The following LPCAT1 variants were observed in gnomAD, a reference collection of about 807,000 sequenced individuals.
The protein encoded by LPCAT1 is 1-acylglycerol-3-phosphate O-acyltransferase.
In LPCAT1, 23 loss-of-function variants were observed where a neutral mutation model predicts 60.9. The ratio of observed to expected loss-of-function variants is 0.38; its 90% confidence interval spans 0.27 to 0.53. The LOEUF is 0.53. Ranked by LOEUF, LPCAT1 falls within the 20% of genes least tolerant of loss-of-function variation. The probability of loss-of-function intolerance (pLI) is 0.82; values close to 1 mark genes in which losing one functional copy is unlikely to be tolerated. For missense variants in LPCAT1, 622 were observed against 723.6 expected, an observed-to-expected ratio of 0.86 and a Z score of 1.61; for synonymous variants, 340 against 301.1, an observed-to-expected ratio of 1.13 and a Z score of -1.34.
At chr5:1,503,193 TGCTCCTCACCCCA>T (rs1046246659) in intron 1 of LPCAT1, among the ~76,000 whole-genome samples, 8 of 152,310 alleles carry the variant, frequency 5.3e-5, no homozygotes, top group African/African-American at 1.9e-4. Flanking sequence ...TTCTGGGGGC[TGCTCCTCACCCCA>T]GCTGGGTCCC....
In LPCAT1 at chr5:1,503,744, T is replaced by G. The variant is rs559092585; in HGVS notation, c.136-2141A>C. Among the ~76,000 whole-genome samples the G allele has an allele frequency of 9.8e-4, 149 of 152,300 alleles. 1 individual carries two copies. The South Asian group carries it at 0.022, about 22-fold the overall frequency. ...ACTGTTTATAGAGTCCCTTTTTTTT[T>G]GGGTTGACTTCACTGTTTTTGTCAA... On this transcript the variant is annotated intron_variant, in intron 1 of 13. Coordinates refer to ENST00000283415, the MANE Select transcript of LPCAT1 (RefSeq NM_024830.5).
intron 3 of LPCAT1, among the ~76,000 whole-genome samples, chr5:1,490,366 G>C (rs926118428): frequency 6.6e-6 from 1 of 152,160 alleles, no homozygotes; most frequent in Non-Finnish European, 1.5e-5. Context: ...GTCCCTATGG[G>C]AAGAGGAGAC....
chr5:1,500,587 C>A (rs751562602), intron 2 of LPCAT1, among the ~76,000 whole-genome samples: 2 of 152,214 alleles, frequency 1.3e-5, no homozygotes, highest in East Asian at 3.9e-4. Flanking sequence ...TCTCGGAGGG[C>A]GGGGAAGGAC....
intron 1 of LPCAT1, among the ~76,000 whole-genome samples, chr5:1,514,964 C>CA (rs769920818): frequency 6.6e-6 from 1 of 152,196 alleles, no homozygotes; most frequent in Non-Finnish European, 1.5e-5. Flanking sequence ...ATTCAGGATC[C>CA]GTGGCATTTC....
rs530312997 is a variant in LPCAT1, at chr5:1,483,728, T to G, written c.668-242A>C. Among the ~76,000 whole-genome samples the G allele has an allele frequency of 2.4e-3, 364 of 151,428 alleles. No individual in the cohort carries two copies. The highest frequency in any genetic ancestry group is 6.9e-3 in the Middle Eastern group (2 of 290). On this transcript the variant is annotated intron_variant, in intron 5 of 13. Coordinates refer to ENST00000283415, the MANE Select transcript of LPCAT1 (RefSeq NM_024830.5). This position sits in a 1 kb window ranked among gnomAD's most constrained non-coding sequence, Gnocchi z 9.2. The stretch of plus-strand genomic sequence containing the variant: ...CCCCGGCCAAGGAACACTTTCTGTT[T>G]TAACATCGCGCACGAGCTGGAAGGC...
rs1736743467 is a variant in LPCAT1 at position 1,523,615 on chromosome 5, G to T, written c.135+95C>A. On this transcript the variant is annotated intron_variant, in intron 1 of 13. Coordinates refer to ENST00000283415, the MANE Select transcript of LPCAT1 (RefSeq NM_024830.5). The surrounding 1 kb of genome is among the most constrained non-coding windows in gnomAD (Gnocchi z 7.1). The stretch of plus-strand genomic sequence containing the variant: ...CTCGCAGGGCCGCGCCGCGCCCCAG[G>T]CCCCCTCCCCGGCCCCTCCTCGGCC... The T allele has an allele frequency of 2.3e-6, 2 of 880,536 alleles. No homozygotes were observed. The highest frequency in any genetic ancestry group is 2.8e-6 in the Non-Finnish European group (2 of 727,064). The allele number at this position is 880,536 out of a possible 1,614,324, so 54.5% of individuals were successfully genotyped here.
At chr5:1,493,538 C>T (rs558309339) in intron 3 of LPCAT1, among the ~76,000 whole-genome samples, 47 of 152,402 alleles carry the variant, frequency 3.1e-4, no homozygotes, top group African/African-American at 1.1e-3. Flanking sequence ...CGACGCCCCT[C>T]GTCCCAGCAG....
In LPCAT1 at chr5:1,481,290, C is replaced by G. The variant is rs994249794; in HGVS notation, c.727-314G>C. On this transcript the variant is annotated intron_variant, in intron 6 of 13. Coordinates refer to ENST00000283415, the MANE Select transcript of LPCAT1 (RefSeq NM_024830.5). This position sits in a 1 kb window ranked among gnomAD's most constrained non-coding sequence, Gnocchi z 7.8. ...CCCCCTCTTATAGGTTCCCAGAGCCCCTAGAACCTGGGAAAAGGGTCCTCC... is the reference window on the plus strand; with the variant it reads ...CCCCCTCTTATAGGTTCCCAGAGCCGCTAGAACCTGGGAAAAGGGTCCTCC... 6.6e-6 allele frequency among the ~76,000 whole-genome samples: 1 copy of G among 152,210 alleles called. No individual in the cohort carries two copies. The highest frequency in any genetic ancestry group is 1.5e-5 in the Non-Finnish European group (1 of 68,030).
Position 1,523,919 on chromosome 5 carries a change from G to A in LPCAT1, c.-75C>T, listed in dbSNP as rs1736755854. On this transcript the variant is annotated 5_prime_UTR_variant, in exon 1 of 14. Coordinates refer to ENST00000283415, the MANE Select transcript of LPCAT1 (RefSeq NM_024830.5). This position sits in a 1 kb window ranked among gnomAD's most constrained non-coding sequence, Gnocchi z 7.1. The stretch of plus-strand genomic sequence containing the variant: ...CGGGGCCGGGGCTAGCTGGGCGCGG[G>A]TCTCGGGGCGCGGGCCGAGGATGCG... The A allele has an allele frequency of 5.2e-6, 5 of 965,618 alleles. No individual in the cohort carries two copies. Among genetic ancestry groups the A allele is most frequent in the Non-Finnish European group, 6.2e-6 (5 of 809,452 alleles). 59.8% of individuals were successfully genotyped at this position (965,618 alleles called of 1,614,324 possible). A position where few individuals can be genotyped will look rare whatever the true frequency, so the allele number is the denominator to read the frequency against.
chr5:1,501,333 G>A (rs57322040), intron 2 of LPCAT1, 128 bp downstream of exon 2: 21,264 of 1,306,200 alleles, frequency 0.016, 201 homozygotes, highest in South Asian at 0.02. Context: ...CCTGGTGGAC[G>A]CTGGGCTCAG....
At chr5:1,507,331 G>T (rs925260288) in intron 1 of LPCAT1, among the ~76,000 whole-genome samples, 29 of 152,244 alleles carry the variant, frequency 1.9e-4, no homozygotes, top group African/African-American at 7.0e-4. Context: ...TGGTCACCCT[G>T]TGTGAGCCAT....
intron 11 of LPCAT1, among the ~76,000 whole-genome samples, chr5:1,472,666 C>T (rs570100732): frequency 6.6e-6 from 1 of 152,298 alleles, no homozygotes; most frequent in African/African-American, 2.4e-5. Context: ...CACCATTTCA[C>T]GTTTCAATTC....
chr5:1,519,151 G>T (rs765051402), intron 1 of LPCAT1, among the ~76,000 whole-genome samples: 3 of 152,240 alleles, frequency 2.0e-5, no homozygotes, highest in Non-Finnish European at 4.4e-5. Flanking sequence ...CGTTTAAGAC[G>T]AACTTTGGGT....
chr5:1,465,683 A>T (rs1191625760), intron 13 of LPCAT1, among the ~76,000 whole-genome samples: 1 of 151,826 alleles, frequency 6.6e-6, no homozygotes, highest in Admixed American at 6.5e-5. Context: ...AATGGAAACA[A>T]GCATGCACAT....
At chr5:1,515,666 C>G (rs936220381) in intron 1 of LPCAT1, among the ~76,000 whole-genome samples, 2 of 150,320 alleles carry the variant, frequency 1.3e-5, no homozygotes, top group African/African-American at 4.9e-5. Flanking sequence ...GGCCTAAGTC[C>G]CACCCACTTA....
chr5:1,497,515 G>C (rs1307572347), intron 2 of LPCAT1, among the ~76,000 whole-genome samples: 1 of 152,266 alleles, frequency 6.6e-6, no homozygotes, highest in East Asian at 1.9e-4. Context: ...GTGGGGTAGG[G>C]CAAAGGAAGG....
chr5:1,463,102 G>A lies in LPCAT1; in HGVS notation c.*549C>T, dbSNP rs948696889. On this transcript the variant is annotated 3_prime_UTR_variant, in exon 14 of 14. Transcript: ENST00000283415. ...TTTCATTTTTTAAAAAATGCTGCAT[G>A]TTTCCTGAAGTACCTAAATGGAGTT... 5 of 152,398 alleles carry A rather than the reference G, an allele frequency of 3.3e-5. No individual in the cohort carries two copies. Among genetic ancestry groups the A allele is most frequent in the African/African-American group, 1.2e-4 (5 of 41,434 alleles). The allele number at this position is 152,398 out of a possible 1,614,324, so 9.4% of individuals were successfully genotyped here.
intron 1 of LPCAT1, among the ~76,000 whole-genome samples, chr5:1,504,266 C>T (rs1409732418): frequency 6.6e-6 from 1 of 152,234 alleles, no homozygotes; most frequent in East Asian, 1.9e-4. Flanking sequence ...TTCATCCATT[C>T]CCATCTACTG....
rs528635308 is a variant in LPCAT1, at chr5:1,502,010, T to C, written c.136-407A>G. On this transcript the variant is annotated intron_variant, in intron 1 of 13. Coordinates refer to ENST00000283415, the MANE Select transcript of LPCAT1 (RefSeq NM_024830.5). This position sits in a 1 kb window ranked among gnomAD's most constrained non-coding sequence, Gnocchi z 5.5. The stretch of plus-strand genomic sequence containing the variant: ...TGGCACTGACCAAGGCTGACCAACA[T>C]TGACCGGCACTGACCAAGGCTGACC... Among the ~76,000 whole-genome samples the C allele has an allele frequency of 5.1e-4, 77 of 151,014 alleles. 1 individual carries two copies. In the East Asian group the frequency reaches 0.012, roughly 23 times the overall value.
Sources: gnomAD v4.1 joint callset for allele counts (sites outside exome capture counted in the v4.1 genomes callset) on GRCh38, gnomAD v4.1.1 for gene constraint, Gnocchi (gnomAD v3.1) non-coding constraint, MANE v1.5 for transcripts, NCBI Gene and HGNC (gene_info 2026-07-23, HGNC 2026-07-21) for gene names.